Variants in STAT1 observed in about 807,000 individuals in gnomAD.
STAT1 encodes signal transducer and activator of transcription 1-alpha/beta.
In STAT1, 24 loss-of-function variants were observed where a neutral mutation model predicts 111.7. That is an observed-to-expected ratio of 0.21 (90% CI 0.16 to 0.30). STAT1 has a LOEUF of 0.30. Ranked by LOEUF, STAT1 falls within the 10% of genes least tolerant of loss-of-function variation. The pLI, the probability that STAT1 is intolerant of heterozygous loss-of-function variation, is 1.00. For missense variants in STAT1, 351 were observed against 911.9 expected (o/e 0.38, Z 7.92); for synonymous variants, 332 against 326.5 (o/e 1.02, Z -0.18).
Position 190,970,856 on chromosome 2 carries a change from G to A in STAT1, c.2239-139C>T, listed in dbSNP as rs1196643115. ...ATGGCAAATAAATACCGTGGAATAA[G>A]AGGGCCTTCAGCATGTACTATGTAT... On this transcript the variant is annotated intron_variant, in intron 24 of 24. Transcript: ENST00000361099. This position sits in a 1 kb window ranked among gnomAD's most constrained non-coding sequence, Gnocchi z 5.4. 3 of 814,672 alleles carry A rather than the reference G, an allele frequency of 3.7e-6. No homozygotes were observed. The highest frequency in any genetic ancestry group is 6.2e-6 in the Non-Finnish European group (3 of 484,906). 50.5% of individuals were successfully genotyped at this position (814,672 alleles called of 1,614,324 possible).
Position 190,984,443 on chromosome 2 carries a change from T to G in STAT1, c.1264-50A>C. ...AAAGAATATAATTATTCACAGATCC[T>G]AAAACTTTCAAAAGCCCAATTAACA... On this transcript the variant is annotated intron_variant, in intron 15 of 24. Transcript: ENST00000361099. The surrounding 1 kb of genome is among the most constrained non-coding windows in gnomAD (Gnocchi z 5.2). 1 of 1,543,382 alleles carries G rather than the reference T, an allele frequency of 6.5e-7. No individual in the cohort carries two copies. Among genetic ancestry groups the G allele is most frequent in the Non-Finnish European group, 8.9e-7 (1 of 1,119,376 alleles).
intron 2 of STAT1, among the ~76,000 whole-genome samples, chr2:191,010,642 TTC>T (rs45622140): frequency 0.28 from 42,604 of 152,018 alleles, 6,417 homozygotes; most frequent in East Asian, 0.48. Flanking sequence ...ATTTTCAAAC[TTC>T]TGTTTTATAT....
Position 190,971,387 on chromosome 2 carries a change from A to G in STAT1, c.2239-670T>C, listed in dbSNP as rs2124979341. 1.3e-5 allele frequency among the ~76,000 whole-genome samples: 2 copies of G among 152,272 alleles called. No individual in the cohort carries two copies. The highest frequency in any genetic ancestry group is 1.3e-4 in the Admixed American group (2 of 15,296). On this transcript the variant is annotated intron_variant, in intron 24 of 24. Transcript: ENST00000361099. The surrounding 1 kb of genome is among the most constrained non-coding windows in gnomAD (Gnocchi z 4.1). ...GGCTGAAGACATTGCTGATTGTCCC[A>G]TCTGGCTGTGAGGGTGCATGTGCTT...
At position 190,994,930 on chromosome 2, in the gene STAT1, ATATATAT is replaced by A. The variant is rs1693724994; in HGVS notation, c.944+124_944+130del. ...ACTCTATCTCAAAAAAAAAAAAAATATATATATATATATATATATATATATATAAAAA... is the reference window on the plus strand; with the variant it reads ...ACTCTATCTCAAAAAAAAAAAAAATAATATATATATATATATATATAAAAA... On this transcript the variant is annotated intron_variant, in intron 10 of 24. Transcript: ENST00000361099. The A allele has an allele frequency of 1.3e-3, 141 of 110,760 alleles. 3 individuals are homozygous for A. Among genetic ancestry groups the A allele is most frequent in the South Asian group, 4.2e-3 (17 of 4,042 alleles). The allele number at this position is 110,760 out of a possible 1,614,324, so 6.9% of individuals were successfully genotyped here. A position where few individuals can be genotyped will look rare whatever the true frequency, so the allele number is the denominator to read the frequency against.
In STAT1 at chr2:191,003,794, T is replaced by C. The variant is rs1350688005; in HGVS notation, c.373-2631A>G. Reference sequence around the variant, plus strand: ...CCATGCAAGAACAGACTAATACAACTTCTAAGCCAGCAGGATGTGGGCACG... The same window carrying C: ...CCATGCAAGAACAGACTAATACAACCTCTAAGCCAGCAGGATGTGGGCACG... On this transcript the variant is annotated intron_variant, in intron 5 of 24. Transcript: ENST00000361099. This position sits in a 1 kb window ranked among gnomAD's most constrained non-coding sequence, Gnocchi z 4.0. 6.6e-6 allele frequency among the ~76,000 whole-genome samples: 1 copy of C among 152,182 alleles called. No homozygotes were observed. The highest frequency in any genetic ancestry group is 1.5e-5 in the Non-Finnish European group (1 of 68,020).
At position 190,993,514 on chromosome 2, in the gene STAT1, C is replaced by A; in HGVS notation, c.944+1547G>T. ...AGGCAAGACTTTCCAACCCCAGAGT[C>A]GCCAATCAGAAGTAATTTGAATAAA... On this transcript the variant is annotated intron_variant, in intron 10 of 24. Transcript: ENST00000361099. The surrounding 1 kb of genome is among the most constrained non-coding windows in gnomAD (Gnocchi z 4.1). 1 of 779,856 alleles carries A rather than the reference C, an allele frequency of 1.3e-6. No individual in the cohort carries two copies. Among genetic ancestry groups the A allele is most frequent in the Non-Finnish European group, 2.2e-6 (1 of 450,870 alleles). 48.3% of individuals were successfully genotyped at this position (779,856 alleles called of 1,614,324 possible). A position where few individuals can be genotyped will look rare whatever the true frequency, so the allele number is the denominator to read the frequency against.
rs764671410 is a variant in STAT1 at position 190,979,911 on chromosome 2, A to C, written c.1633-45T>G. 10 of 1,353,850 alleles carry C rather than the reference A, an allele frequency of 7.4e-6. No individual in the cohort carries two copies. The South Asian group carries it at 1.1e-4, about 14-fold the overall frequency. 83.9% of individuals were successfully genotyped at this position (1,353,850 alleles called of 1,614,324 possible). On this transcript the variant is annotated intron_variant, in intron 19 of 24. Transcript: ENST00000361099. This position sits in a 1 kb window ranked among gnomAD's most constrained non-coding sequence, Gnocchi z 5.8. ...GACATTATGAACAAAAATCTAAAACAATGACTTACCATGGCCCCTCCCACC... is the reference window on the plus strand; with the variant it reads ...GACATTATGAACAAAAATCTAAAACCATGACTTACCATGGCCCCTCCCACC...
rs1015027174 is a variant in STAT1 at position 191,012,372 on chromosome 2, C to T, written c.-2+1153G>A. On this transcript the variant is annotated intron_variant, in intron 2 of 24. Transcript: ENST00000361099. This position sits in a 1 kb window ranked among gnomAD's most constrained non-coding sequence, Gnocchi z 4.0. Reference sequence around the variant, plus strand: ...CGGAGGTTGCAGTGAGCTGAGATCGCGCCACTGTACTCCAGCCTGGGAGAC... The same window carrying T: ...CGGAGGTTGCAGTGAGCTGAGATCGTGCCACTGTACTCCAGCCTGGGAGAC... Among the ~76,000 whole-genome samples the T allele has an allele frequency of 3.3e-5, 5 of 151,406 alleles. No individual in the cohort carries two copies. The highest frequency in any genetic ancestry group is 7.4e-5 in the Non-Finnish European group (5 of 67,864).
intron 4 of STAT1, among the ~76,000 whole-genome samples, chr2:191,008,240 GA>G (rs11386507): frequency 2.0e-5 from 3 of 151,538 alleles, no homozygotes; most frequent in Non-Finnish European, 4.4e-5. Context: ...ATTCACAAAG[GA>G]AAAAAAACAA....
In STAT1 at chr2:190,995,211, A is replaced by G; in HGVS notation, c.794T>C (p.Ile265Thr). The change falls in exon 10 of 25, where the codon ATA (isoleucine) becomes ACA (threonine). Residue 265 changes from isoleucine (I) to threonine (T), a missense_variant. Physicochemically the swap from Ile to Thr is moderately conservative, Grantham distance 89 (BLOSUM62 -1). Transcript: ENST00000361099. The surrounding 1 kb of genome is among the most constrained non-coding windows in gnomAD (Gnocchi z 4.2). ...CLDQLQNWFTIVAESLQQVRQ... is the reference protein window; with the variant it reads ...CLDQLQNWFTTVAESLQQVRQ... ...AACTTGCTGCAGACTCTCCGCAACT[A>G]TAGTGAACCTGGGAAGACACAAGAC... 1 of 1,613,972 alleles carries G rather than the reference A, an allele frequency of 6.2e-7. No individual in the cohort carries two copies. The highest frequency in any genetic ancestry group is 8.5e-7 in the Non-Finnish European group (1 of 1,179,962).
chr2:190,976,023 C>G lies in STAT1; in HGVS notation c.2060-136G>C, dbSNP rs1234024777. On this transcript the variant is annotated intron_variant, in intron 22 of 24. Coordinates refer to ENST00000361099, the MANE Select transcript of STAT1 (RefSeq NM_007315.4). This position sits in a 1 kb window ranked among gnomAD's most constrained non-coding sequence, Gnocchi z 6.0. ...TCCTAAAACTTTAAGGAGCTATAAC[C>G]TCCCTGCCTGAGTCACCTAAAATTC... The G allele has an allele frequency of 3.2e-5, 24 of 761,304 alleles. No individual in the cohort carries two copies. Among genetic ancestry groups the G allele is most frequent in the Non-Finnish European group, 5.4e-5 (24 of 441,870 alleles). The allele number at this position is 761,304 out of a possible 1,614,324, so 47.2% of individuals were successfully genotyped here. A position where few individuals can be genotyped will look rare whatever the true frequency, so the allele number is the denominator to read the frequency against.
chr2:190,989,366 AGCT>A lies in STAT1; in HGVS notation c.1097+246_1097+248del, dbSNP rs1693133895. Among the ~76,000 whole-genome samples the A allele has an allele frequency of 6.6e-6, 1 of 152,216 alleles. No homozygotes were observed. The highest frequency in any genetic ancestry group is 1.5e-5 in the Non-Finnish European group (1 of 68,036). ...GGAAGCTCCCAACATCCACCAAGGG[AGCT>A]GCTGATTTAAATCTGCTGGGGTCAT... On this transcript the variant is annotated intron_variant, in intron 12 of 24. Coordinates refer to ENST00000361099, the MANE Select transcript of STAT1 (RefSeq NM_007315.4). This position sits in a 1 kb window ranked among gnomAD's most constrained non-coding sequence, Gnocchi z 5.0.
intron 10 of STAT1, chr2:190,992,709 C>A: frequency 3.2e-6 from 4 of 1,254,836 alleles, no homozygotes; most frequent in Non-Finnish European, 4.2e-6. Flanking sequence ...CTCAGCACCA[C>A]CAGCTGTTGC....
intron 2 of STAT1, among the ~76,000 whole-genome samples, chr2:191,011,942 C>G (rs1445748049): frequency 6.6e-6 from 1 of 151,754 alleles, no homozygotes; most frequent in Non-Finnish European, 1.5e-5. Flanking sequence ...GTAGAGACAG[C>G]CTCTCGTTAT....
At chr2:191,001,944 C>T (rs1694302011) in intron 5 of STAT1, among the ~76,000 whole-genome samples, 1 of 152,126 alleles carries the variant, frequency 6.6e-6, no homozygotes, top group Non-Finnish European at 1.5e-5. Context: ...AGAGTTAAAT[C>T]CCCCACACAG....
At chr2:191,010,499 A>G (rs553440909) in intron 2 of STAT1, 2 of 314,206 alleles carry the variant, frequency 6.4e-6, no homozygotes, top group South Asian at 5.4e-5. Flanking sequence ...ATGCCTTTAA[A>G]ATGAGTTTGT....
At chr2:191,001,291 T>A (rs574775293) in intron 5 of STAT1, 128 bp from the exon 6 acceptor site, 4 of 741,130 alleles carry the variant, frequency 5.4e-6, no homozygotes, top group East Asian at 5.3e-5. Flanking sequence ...TTCCTGCTTA[T>A]GTGTCAATAT....
rs1019404727 is a variant in STAT1 at position 190,977,328 on chromosome 2, G to A, written c.1874-303C>T. Among the ~76,000 whole-genome samples the A allele has an allele frequency of 1.3e-5, 2 of 152,168 alleles. No individual in the cohort carries two copies. The highest frequency in any genetic ancestry group is 4.8e-5 in the African/African-American group (2 of 41,428). On this transcript the variant is annotated intron_variant, in intron 21 of 24. Transcript: ENST00000361099. This position sits in a 1 kb window ranked among gnomAD's most constrained non-coding sequence, Gnocchi z 4.7. ...TAAAAGCCTGCATCTTCAATGATGT[G>A]CTGCCCATAGGCACATAAATAACTT...
At chr2:190,991,173 A>G in intron 11 of STAT1, 55 bp downstream of exon 11, 1 of 1,550,756 alleles carries the variant, frequency 6.4e-7, no homozygotes, top group Non-Finnish European at 8.9e-7. Context: ...AAAGGAAACT[A>G]GGGGTACAAA....
Sources: gnomAD v4.1 joint callset for allele counts (sites outside exome capture counted in the v4.1 genomes callset) on GRCh38, gnomAD v4.1.1 for gene constraint, Gnocchi (gnomAD v3.1) non-coding constraint, MANE v1.5 for transcripts, NCBI Gene and HGNC (gene_info 2026-07-23, HGNC 2026-07-21) for gene names.